Variants in NUP188 observed in about 807,000 individuals in gnomAD.
NUP188 encodes the protein nucleoporin NUP188.
In NUP188, 97 loss-of-function variants were observed where a neutral mutation model predicts 223.0. That is an observed-to-expected ratio of 0.43 (90% CI 0.37 to 0.51). The LOEUF is 0.51. Ranked by LOEUF, NUP188 falls within the 20% of genes least tolerant of loss-of-function variation. The pLI is 0.00. For synonymous variants in NUP188, 869 were observed against 828.0 expected (o/e 1.05, Z -0.85); for missense variants, 1,947 against 2,175.6 (o/e 0.89, Z 2.09).
chr9:128,988,245 T>C, intron 24 of NUP188, 59 bp downstream of exon 24: 4 of 1,584,796 alleles, frequency 2.5e-6, no homozygotes, highest in South Asian at 2.3e-5. Context: ...TCATTTTTGC[T>C]CATAAATACG....
intron 19 of NUP188, among the ~76,000 whole-genome samples, chr9:128,983,791 A>G (rs1048238483): frequency 6.7e-6 from 1 of 150,318 alleles, no homozygotes; most frequent in Non-Finnish European, 1.5e-5. Context: ...CACCACGCCC[A>G]GCTAATTTTT....
rs1464184431 is a variant in NUP188 at position 129,005,525 on chromosome 9, G to C, written c.4732G>C (p.Asp1578His). ...FTPDVCQILL[D>H]QSLDLAEYNF... ...CCCAGATGTCTGCCAGATTCTGCTGGATCAGGTACTGCCCATCATCTGTTC... is the reference window on the plus strand; with the variant it reads ...CCCAGATGTCTGCCAGATTCTGCTGCATCAGGTACTGCCCATCATCTGTTC... Residue 1578 changes from aspartate to histidine, a missense_variant, in exon 40 of 44, where the codon GAT (aspartate) becomes CAT (histidine). By Grantham distance (81) the Asp-to-His change is moderately conservative (BLOSUM62 -1). Transcript: ENST00000372577. 6.2e-7 allele frequency: 1 copy of C among 1,607,888 alleles called. No homozygotes were observed. Among genetic ancestry groups the C allele is most frequent in the African/African-American group, 1.3e-5 (1 of 75,056 alleles).
chr9:128,972,160 T>A (rs979549541), intron 11 of NUP188, among the ~76,000 whole-genome samples: 8 of 152,246 alleles, frequency 5.3e-5, no homozygotes, highest in African/African-American at 1.9e-4. Flanking sequence ...CAGACCTTTA[T>A]AGCAGCTTTA....
Position 128,987,643 on chromosome 9 carries a change from A to G in NUP188, c.2319A>G (p.Ala773=). The change falls in exon 23 of 44, where the codon GCA becomes GCG. Residue 773 remains alanine, a synonymous_variant. Coordinates refer to ENST00000372577, the MANE Select transcript of NUP188 (RefSeq NM_015354.3). The part of the protein sequence containing the change: ...LCICSLAYTE[A]GQTVINIMGI... ...TCTGCAGCCTGGCATACACAGAAGC[A>G]GGACAGACAGTTATCAATATCATGG... 6.2e-7 allele frequency: 1 copy of G among 1,614,060 alleles called. No homozygotes were observed.
chr9:128,981,772 A>G (rs17455391), intron 15 of NUP188, among the ~76,000 whole-genome samples: 1 of 151,106 alleles, frequency 6.6e-6, no homozygotes, highest in Non-Finnish European at 1.5e-5. Flanking sequence ...ATTTTCAGAC[A>G]TATAGAAAGA....
intron 8 of NUP188, 57 bp downstream of exon 8, chr9:128,959,191 T>C (rs1010503804): frequency 1.4e-6 from 2 of 1,417,320 alleles, no homozygotes; most frequent in Non-Finnish European, 1.9e-6. Flanking sequence ...AGTTTCCCTC[T>C]GTCACCCAGG....
rs145480979 is a variant in NUP188, at chr9:129,005,654, C to T, written c.4747C>T (p.Leu1583Phe). 33 of 1,613,758 alleles carry T rather than the reference C, an allele frequency of 2.0e-5. No individual in the cohort carries two copies. Among genetic ancestry groups the T allele is most frequent in the Non-Finnish European group, 2.7e-5 (32 of 1,179,782 alleles). Reference sequence around the variant, plus strand: ...TTGTCTTTTCTCGCAGTCCCTGGACCTTGCTGAATACAACTTCCTGTTTGC... The same window carrying T: ...TTGTCTTTTCTCGCAGTCCCTGGACTTTGCTGAATACAACTTCCTGTTTGC... ...CQILLDQSLD[L>F]AEYNFLFALS... Residue 1583 changes from leucine (L) to phenylalanine (F), a missense_variant, in exon 41 of 44, where the codon CTT (leucine) becomes TTT (phenylalanine). Leu to Phe is a conservative substitution (Grantham distance 22, BLOSUM62 0). This residue lies in a region of NUP188 where 905 missense variants were observed against 990.6 expected (regional missense o/e 0.91). Transcript: ENST00000372577.
chr9:128,974,555 A>G (rs562219924), intron 12 of NUP188, among the ~76,000 whole-genome samples: 3 of 152,010 alleles, frequency 2.0e-5, no homozygotes, highest in South Asian at 4.2e-4. Flanking sequence ...AAACATTTCA[A>G]ACTTATACCA....
At chr9:128,961,029 G>C (rs1841941073) in intron 8 of NUP188, among the ~76,000 whole-genome samples, 1 of 148,876 alleles carries the variant, frequency 6.7e-6, no homozygotes, top group Non-Finnish European at 1.5e-5. Context: ...AGGTTGCAGT[G>C]AGCCAAGATT....
At position 128,970,798 on chromosome 9, in the gene NUP188, A is replaced by G; in HGVS notation, c.953A>G (p.His318Arg). The stretch of plus-strand genomic sequence containing the variant: ...ATGTTGACCTTTGGGGACATTCCAC[A>G]TCATGCCCCAGTGCTTTTGGCCTGG... ...CLMLTFGDIP[H>R]HAPVLLAWAL... The change falls in exon 11 of 44, where the codon CAT becomes CGT. Residue 318 changes from histidine (H) to arginine (R), a missense_variant. By Grantham distance (29) the His-to-Arg change is conservative (BLOSUM62 0). Around this residue, in one of 3 missense-constraint regions of NUP188, gnomAD observed 817 missense variants for 865.8 expected, o/e 0.94. Coordinates refer to ENST00000372577, the MANE Select transcript of NUP188 (RefSeq NM_015354.3). 2 of 1,614,198 alleles carry G rather than the reference A, an allele frequency of 1.2e-6. No individual in the cohort carries two copies. Among genetic ancestry groups the G allele is most frequent in the African/African-American group, 1.3e-5 (1 of 75,046 alleles).
chr9:128,987,491 T>C, intron 22 of NUP188, 98 bp from the exon 23 acceptor site: 1 of 1,199,894 alleles, frequency 8.3e-7, no homozygotes, highest in East Asian at 2.5e-5. Context: ...CAGTGTCCAG[T>C]AGGTTAGGTT....
At chr9:128,991,661 G>A (rs554546348) in intron 25 of NUP188, among the ~76,000 whole-genome samples, 1 of 151,810 alleles carries the variant, frequency 6.6e-6, no homozygotes, top group South Asian at 2.1e-4. Flanking sequence ...GGGCAACACG[G>A]TGAAACCCCA....
chr9:128,955,503 A>G (rs1238186220), intron 3 of NUP188, among the ~76,000 whole-genome samples: 2 of 152,116 alleles, frequency 1.3e-5, no homozygotes, highest in African/African-American at 4.8e-5. Flanking sequence ...TCATTAGTTT[A>G]TATCAGTATA....
chr9:128,991,199 A>G (rs993144319), intron 25 of NUP188, among the ~76,000 whole-genome samples: 5 of 127,976 alleles, frequency 3.9e-5, no homozygotes, highest in Non-Finnish European at 7.9e-5. Context: ...GGGTCTGGCT[A>G]TGTCTCCAAG....
chr9:128,986,949 T>G (rs1842341815), intron 22 of NUP188, 74 bp downstream of exon 22: 2 of 1,350,808 alleles, frequency 1.5e-6, no homozygotes, highest in Admixed American at 3.7e-5. Flanking sequence ...CAAAGCCGTC[T>G]CAGTTCTTCC....
rs1314207198 is a variant in NUP188, at chr9:129,005,305, C to A, written c.4512C>A (p.Asn1504Lys). The change falls in exon 40 of 44, where the codon AAC becomes AAA. Residue 1504 changes from asparagine (N) to lysine (K), a missense_variant and splice_region_variant. By Grantham distance (94) the Asn-to-Lys change is moderately conservative. Around this residue, in one of 3 missense-constraint regions of NUP188, gnomAD observed 905 missense variants for 990.6 expected, o/e 0.91. Transcript: ENST00000372577. ...SRKMLQHYLQ[N>K]KNGDGLPSAV... is the part of the protein sequence containing the mutation. The stretch of plus-strand genomic sequence containing the variant: ...CTTCATTTCTTGACTCTCCTTAGAA[C>A]AAAAATGGGGATGGCCTCCCCTCAG... 1 of 1,614,028 alleles carries A rather than the reference C, an allele frequency of 6.2e-7. No homozygotes were observed. Among genetic ancestry groups the A allele is most frequent in the African/African-American group, 1.3e-5 (1 of 75,064 alleles).
At position 128,983,274 on chromosome 9, in the gene NUP188, T is replaced by G; in HGVS notation, c.1797-19T>G. 1.9e-6 allele frequency: 3 copies of G among 1,601,956 alleles called. No individual in the cohort carries two copies. The highest frequency in any genetic ancestry group is 1.7e-6 in the Non-Finnish European group (2 of 1,169,102). ...GTATTATTTGCTTTATTGAGTATAG[T>G]GTATTGTTCTCCAACCAGGTTAACG... On this transcript the variant is annotated intron_variant, in intron 17 of 43. Transcript: ENST00000372577.
chr9:128,959,069 A>G lies in NUP188; in HGVS notation c.520A>G (p.Arg174Gly). Residue 174 changes from arginine (R) to glycine (G), a missense_variant, in exon 8 of 44, where the codon AGA (arginine) becomes GGA (glycine). Arg to Gly is a moderately radical substitution (Grantham distance 125). Coordinates refer to ENST00000372577, the MANE Select transcript of NUP188 (RefSeq NM_015354.3). ...KLEKELVSKYRQQFEELYKTE... is the reference protein window; with the variant it reads ...KLEKELVSKYGQQFEELYKTE... ...GGAGAAGGAACTAGTTTCAAAATAC[A>G]GACAGCAGTTCGAAGAGCTTTATAA... 3 of 1,603,388 alleles carry G rather than the reference A, an allele frequency of 1.9e-6. No individual in the cohort carries two copies. The highest frequency in any genetic ancestry group is 2.6e-6 in the Non-Finnish European group (3 of 1,173,692).
intron 2 of NUP188, among the ~76,000 whole-genome samples, chr9:128,951,814 C>T (rs564890254): frequency 3.6e-5 from 5 of 140,588 alleles, no homozygotes; most frequent in African/African-American, 1.1e-4. Context: ...TTTTTTGAGA[C>T]GGAGTTTCGT....
Sources: gnomAD v4.1 joint callset for allele counts (sites outside exome capture counted in the v4.1 genomes callset) on GRCh38, gnomAD v4.1.1 for gene constraint, gnomAD v4.1.1 regional missense constraint, MANE v1.5 for transcripts, NCBI Gene and HGNC (gene_info 2026-07-23, HGNC 2026-07-21) for gene names.